TBL1X: variants seen among roughly 807,000 people sequenced by gnomAD.
The protein encoded by TBL1X is F-box-like/WD repeat-containing protein TBL1X.
TBL1X carries 10 observed loss-of-function variants against 50.7 expected under a neutral mutation model. The observed-to-expected ratio is 0.20, with a 90% CI of 0.12 to 0.33. TBL1X has a LOEUF of 0.33. TBL1X is among the 10% of genes least tolerant of loss of function. TBL1X has a pLI of 1.00. For synonymous variants in TBL1X, 190 were observed against 214.7 expected, an observed-to-expected ratio of 0.88 and a Z score of 1.01; for missense variants, 340 against 504.4, an observed-to-expected ratio of 0.67 and a Z score of 3.12.
intron 2 of TBL1X, among the ~76,000 whole-genome samples, chrX:9,543,285 G>T (rs1451807053): frequency 8.9e-6 from 1 of 111,883 alleles, no homozygotes; most frequent in Non-Finnish European, 1.9e-5. Flanking sequence ...TGTTGTCTAG[G>T]GGAAGGAACG....
chrX:9,708,518 C>T (rs1413357582), intron 13 of TBL1X, among the ~76,000 whole-genome samples: 12 of 111,353 alleles, frequency 1.1e-4, no homozygotes, highest in Admixed American at 3.8e-4. Context: ...CCCCTCCCTC[C>T]GCCTCCACTC....
intron 5 of TBL1X, among the ~76,000 whole-genome samples, chrX:9,677,999 T>C (rs1304505426): frequency 9.0e-6 from 1 of 111,665 alleles, no homozygotes; most frequent in Non-Finnish European, 1.9e-5. Flanking sequence ...CAAATTCTTA[T>C]GTCATTGCAT....
intron 2 of TBL1X, among the ~76,000 whole-genome samples, chrX:9,578,594 A>G (rs2082424488): frequency 8.9e-6 from 1 of 111,895 alleles, no homozygotes; most frequent in African/African-American, 3.3e-5. Flanking sequence ...AGACGCTGCA[A>G]TAAGACAAGC....
intron 2 of TBL1X, among the ~76,000 whole-genome samples, chrX:9,526,832 T>C (rs1040698158): frequency 8.0e-5 from 9 of 112,021 alleles, no homozygotes; most frequent in African/African-American, 2.9e-4. Context: ...GTAGTCGCGT[T>C]GGGGAAAGTT....
At chrX:9,504,966 A>G (rs1400357999) in intron 2 of TBL1X, among the ~76,000 whole-genome samples, 1 of 111,694 alleles carries the variant, frequency 9.0e-6, no homozygotes. Flanking sequence ...TGGGAACACC[A>G]TTAAGATACT....
In TBL1X at chrX:9,665,488, GCTATATATATATAT is replaced by G. The variant is rs1344826991; in HGVS notation, c.211+11167_211+11180del. The stretch of plus-strand genomic sequence containing the variant: ...AACTTAATTAAAAACTGATATTCAA[GCTATATATATATAT>G]ATATATATATATATATATATATATA... On this transcript the variant is annotated intron_variant, in intron 5 of 17. Coordinates refer to ENST00000645353, the MANE Select transcript of TBL1X (RefSeq NM_005647.4). 3.3e-4 allele frequency among the ~76,000 whole-genome samples: 5 copies of G among 15,063 alleles called. No homozygotes were observed. In the East Asian group the frequency reaches 8.6e-3, roughly 26 times the overall value. 13.1% of individuals were successfully genotyped at this position (15,063 alleles called of 115,157 possible). A position where few individuals can be genotyped will look rare whatever the true frequency, so the allele number is the denominator to read the frequency against.
intron 5 of TBL1X, among the ~76,000 whole-genome samples, chrX:9,665,998 A>G (rs2082928666): frequency 9.0e-6 from 1 of 111,616 alleles, no homozygotes; most frequent in Admixed American, 9.5e-5. Context: ...TCAGCCACCT[A>G]GAAGGTATGG....
At chrX:9,549,156 G>C (rs1460594915) in intron 2 of TBL1X, among the ~76,000 whole-genome samples, 1 of 112,217 alleles carries the variant, frequency 8.9e-6, no homozygotes, top group Non-Finnish European at 1.9e-5. Flanking sequence ...TTTCTCTGTT[G>C]TCTTTGCCTG....
intron 5 of TBL1X, among the ~76,000 whole-genome samples, chrX:9,664,252 C>T (rs1001746016): frequency 8.9e-6 from 1 of 112,544 alleles, no homozygotes; most frequent in East Asian, 2.8e-4. Flanking sequence ...AAATGTAATT[C>T]AATGTTTCTA....
chrX:9,467,134 A>C (rs1384021959), intron 1 of TBL1X, among the ~76,000 whole-genome samples: 2 of 112,594 alleles, frequency 1.8e-5, no homozygotes, highest in Non-Finnish European at 3.8e-5. Context: ...TTTTCCCATC[A>C]ATTATATCAG....
intron 5 of TBL1X, among the ~76,000 whole-genome samples, chrX:9,682,369 T>C (rs2083030380): frequency 8.9e-6 from 1 of 112,271 alleles, no homozygotes; most frequent in African/African-American, 3.2e-5. Flanking sequence ...TAGGCAGTTA[T>C]AGTTCTGTAA....
chrX:9,618,131 T>C (rs1014004465), intron 2 of TBL1X, among the ~76,000 whole-genome samples: 2 of 111,834 alleles, frequency 1.8e-5, no homozygotes, highest in African/African-American at 6.5e-5. Context: ...CATACAAATA[T>C]AAGGATCTTA....
chrX:9,525,828 A>AT (rs1228000425), intron 2 of TBL1X, among the ~76,000 whole-genome samples: 3 of 111,269 alleles, frequency 2.7e-5, no homozygotes, highest in Non-Finnish European at 5.7e-5. Flanking sequence ...AGAGAAAATA[A>AT]TTTTTTCCCA....
chrX:9,554,103 A>C (rs2082283636), intron 2 of TBL1X, among the ~76,000 whole-genome samples: 1 of 112,318 alleles, frequency 8.9e-6, no homozygotes, highest in African/African-American at 3.2e-5. Flanking sequence ...CTGGTCTTAA[A>C]TTCCTGGGTT....
chrX:9,564,053 A>G (rs976029314), intron 2 of TBL1X, among the ~76,000 whole-genome samples: 4 of 112,749 alleles, frequency 3.5e-5, no homozygotes, highest in African/African-American at 1.3e-4. Flanking sequence ...GACTGAACAT[A>G]GACTTCTTTG....
chrX:9,597,107 AAGG>A (rs774570130), intron 2 of TBL1X, among the ~76,000 whole-genome samples: 1 of 111,268 alleles, frequency 9.0e-6, no homozygotes, highest in African/African-American at 3.3e-5. Flanking sequence ...CTGATGGTAA[AAGG>A]AGGAGAGCTG....
At chrX:9,491,339 T>C (rs1381929941) in intron 1 of TBL1X, among the ~76,000 whole-genome samples, 2 of 19,223 alleles carry the variant, frequency 1.0e-4, no homozygotes, top group African/African-American at 4.8e-4. Flanking sequence ...TATATATATA[T>C]TTTTTTTTTT....
chrX:9,514,991 G>A lies in TBL1X; in HGVS notation c.-131+13142G>A, dbSNP rs1305494386. 9.0e-5 allele frequency among the ~76,000 whole-genome samples: 10 copies of A among 111,477 alleles called. No individual in the cohort carries two copies. In the Admixed American group the frequency reaches 9.5e-4, roughly 11 times the overall value. On this transcript the variant is annotated intron_variant, in intron 2 of 17. Transcript: ENST00000645353. ...AGCGTTGGTGACAACCCCCGGGAAG[G>A]CAGATGTTATCAGGAGTTAAAATGT...
At chrX:9,698,628 G>A (rs113456196) in intron 12 of TBL1X, among the ~76,000 whole-genome samples, 3 of 111,661 alleles carry the variant, frequency 2.7e-5, no homozygotes, top group African/African-American at 9.7e-5. Flanking sequence ...CAAAACTGCA[G>A]ACCCCCAGAA....
Sources: allele counts gnomAD v4.1 joint callset (sites outside exome capture counted in the v4.1 genomes callset), GRCh38; gene constraint gnomAD v4.1.1; transcripts MANE v1.5; gene names NCBI Gene and HGNC (gene_info 2026-07-23, HGNC 2026-07-21).